The following KCNMB2 variants were observed in gnomAD, a reference collection of about 807,000 sequenced individuals.
The protein encoded by KCNMB2 is potassium calcium-activated channel subfamily M regulatory beta subunit 2.
A neutral mutation model predicts 24.5 loss-of-function variants in KCNMB2; 9 were observed. The ratio of observed to expected loss-of-function variants is 0.37; its 90% CI spans 0.22 to 0.64. The LOEUF (loss-of-function observed/expected upper bound fraction) is 0.64, where lower values mean the gene tolerates loss of function less well. KCNMB2 is among the 30% of genes least tolerant of loss of function. The pLI is 0.63. For missense variants in KCNMB2, 226 were observed against 284.3 expected (o/e 0.79, Z 1.47); for synonymous variants, 109 against 104.4 (o/e 1.04, Z -0.27).
chr3:178,745,932 C>G (rs1291487273), intron 1 of KCNMB2, among the ~76,000 whole-genome samples: 1 of 152,192 alleles, frequency 6.6e-6, no homozygotes, highest in East Asian at 1.9e-4. Flanking sequence ...CAGCCTCCCT[C>G]CCAGCTGCTT....
At chr3:178,620,459 C>T (rs1230444104) in intron 1 of KCNMB2, among the ~76,000 whole-genome samples, 2 of 152,164 alleles carry the variant, frequency 1.3e-5, no homozygotes, top group African/African-American at 4.8e-5. Flanking sequence ...TATTACAATT[C>T]TTGAGGCTGA....
chr3:178,758,675 T>C (rs373892483), intron 1 of KCNMB2, among the ~76,000 whole-genome samples: 1 of 17,482 alleles, frequency 5.7e-5, no homozygotes, highest in Non-Finnish European at 1.1e-4. Flanking sequence ...TCCAAGAGGA[T>C]ATATATATAT....
chr3:178,565,080 A>G (rs993637087), intron 1 of KCNMB2, among the ~76,000 whole-genome samples: 16 of 152,298 alleles, frequency 1.1e-4, no homozygotes, highest in Admixed American at 2.6e-4. Flanking sequence ...AGAAAAATTA[A>G]CTTTTTATTA....
chr3:178,745,877 T>G (rs2108382636), intron 1 of KCNMB2, among the ~76,000 whole-genome samples: 1 of 152,310 alleles, frequency 6.6e-6, no homozygotes, highest in South Asian at 2.1e-4. Flanking sequence ...AAGAGGTAGG[T>G]TCCCATGATC....
At chr3:178,776,479 C>A (rs1034059646) in intron 1 of KCNMB2, among the ~76,000 whole-genome samples, 1 of 152,180 alleles carries the variant, frequency 6.6e-6, no homozygotes, top group Non-Finnish European at 1.5e-5. Context: ...AGTAACATTT[C>A]AAATATGTAA....
At position 178,558,518 on chromosome 3, in the gene KCNMB2, GTATTT is replaced by G. The variant is rs1387410596; in HGVS notation, c.-68+21810_-68+21814del. Among the ~76,000 whole-genome samples the G allele has an allele frequency of 5.9e-5, 9 of 152,206 alleles. No homozygotes were observed. In the East Asian group the frequency reaches 1.7e-3, roughly 29 times the overall value. ...AATTAAGCCTCTCTCATTTCTGTCT[GTATTT>G]TAATTTTTGTCATCCCTCCACCAAC... On this transcript the variant is annotated intron_variant, in intron 1 of 4. Coordinates refer to ENST00000452583, the MANE Select transcript of KCNMB2 (RefSeq NM_181361.3).
rs1304991644 is a variant in KCNMB2 at position 178,844,249 on chromosome 3, T to A, written c.*1312T>A. ...ACCTTTTTGTAATGTAGTATCAAAG[T>A]TTTTTAGGTAATGCAAAATTTTACA... On this transcript the variant is annotated 3_prime_UTR_variant, in exon 5 of 5. Coordinates refer to ENST00000452583, the MANE Select transcript of KCNMB2 (RefSeq NM_181361.3). 3 of 152,478 alleles carry A rather than the reference T, an allele frequency of 2.0e-5. No individual in the cohort carries two copies. The highest frequency in any genetic ancestry group is 2.9e-5 in the Non-Finnish European group (2 of 67,946). 9.4% of individuals were successfully genotyped at this position (152,478 alleles called of 1,614,324 possible).
chr3:178,835,040 T>A (rs1715175679), intron 4 of KCNMB2, among the ~76,000 whole-genome samples: 1 of 151,798 alleles, frequency 6.6e-6, no homozygotes, highest in African/African-American at 2.4e-5. Context: ...GATTCCATGG[T>A]TTAAGCTCTC....
At chr3:178,583,787 C>T (rs1011685040) in intron 1 of KCNMB2, among the ~76,000 whole-genome samples, 2 of 152,130 alleles carry the variant, frequency 1.3e-5, no homozygotes, top group Admixed American at 1.3e-4. Context: ...CTCAGAAATG[C>T]TAAGGTCAGA....
At chr3:178,680,779 C>G (rs1234248017) in intron 1 of KCNMB2, among the ~76,000 whole-genome samples, 1 of 152,178 alleles carries the variant, frequency 6.6e-6, no homozygotes, top group Non-Finnish European at 1.5e-5. Context: ...TATCTTCTCT[C>G]AGCAAAATGT....
intron 1 of KCNMB2, among the ~76,000 whole-genome samples, chr3:178,778,536 A>AAAGCATGTCT: frequency 6.6e-6 from 1 of 151,460 alleles, no homozygotes; most frequent in Middle Eastern, 3.4e-3. Flanking sequence ...ATCATACAGT[A>AAAGCATGTCT]AAGCATGTCT....
At chr3:178,842,568 T>TCC in intron 4 of KCNMB2, 85 bp from the exon 5 acceptor site, 1 of 879,224 alleles carries the variant, frequency 1.1e-6, no homozygotes, top group Non-Finnish European at 1.8e-6. Flanking sequence ...CACAGATCAC[T>TCC]AATTTGGACA....
intron 1 of KCNMB2, among the ~76,000 whole-genome samples, chr3:178,759,786 A>C (rs1283584679): frequency 2.9e-4 from 12 of 41,424 alleles, no homozygotes; most frequent in African/African-American, 1.7e-3. Context: ...ATATATCTAT[A>C]TATATATATA....
At chr3:178,767,631 C>A (rs1411870699) in intron 1 of KCNMB2, among the ~76,000 whole-genome samples, 1 of 152,166 alleles carries the variant, frequency 6.6e-6, no homozygotes, top group African/African-American at 2.4e-5. Flanking sequence ...CAAAAGAATG[C>A]CAAAGGTAGA....
chr3:178,726,486 T>C (rs1722971153), intron 1 of KCNMB2, among the ~76,000 whole-genome samples: 1 of 152,074 alleles, frequency 6.6e-6, no homozygotes, highest in Non-Finnish European at 1.5e-5. Context: ...TTCTTTCAGT[T>C]TTCTTTGACT....
chr3:178,638,722 T>C (rs946359261), intron 1 of KCNMB2, among the ~76,000 whole-genome samples: 1 of 152,160 alleles, frequency 6.6e-6, no homozygotes, highest in Non-Finnish European at 1.5e-5. Context: ...ATGAAAGAAA[T>C]TACATTTTGA....
chr3:178,594,392 G>A (rs115938469), intron 1 of KCNMB2, among the ~76,000 whole-genome samples: 4,599 of 152,110 alleles, frequency 0.03, 242 homozygotes, highest in African/African-American at 0.11. Flanking sequence ...CAGTGAAGAT[G>A]GTGGGAAGTT....
rs988617270 is a variant in KCNMB2 at position 178,597,939 on chromosome 3, G to A, written c.-68+61228G>A. 2.0e-5 allele frequency among the ~76,000 whole-genome samples: 3 copies of A among 151,818 alleles called. No homozygotes were observed. In the East Asian group the frequency reaches 5.8e-4, roughly 29 times the overall value. On this transcript the variant is annotated intron_variant, in intron 1 of 4. Coordinates refer to ENST00000452583, the MANE Select transcript of KCNMB2 (RefSeq NM_181361.3). Reference sequence around the variant, plus strand: ...AGTTAAAAAATTGGGGTGGGAGGAAGAAATGGCTGGAAAAGTGAAACATGG... The same window carrying A: ...AGTTAAAAAATTGGGGTGGGAGGAAAAAATGGCTGGAAAAGTGAAACATGG...
Position 178,698,074 on chromosome 3 carries a change from G to A in KCNMB2, c.-67-109269G>A, listed in dbSNP as rs568962549. Among the ~76,000 whole-genome samples, 183 of 152,242 alleles carry A rather than the reference G, an allele frequency of 1.2e-3. 4 individuals carry two copies. The highest frequency in any genetic ancestry group is 4.3e-3 in the African/African-American group (179 of 41,550). ...AGATGTTGGAGAATCATGATTATGT[G>A]TGTTGGGGATGATCTTGTGAAGTAG... On this transcript the variant is annotated intron_variant, in intron 1 of 4. Coordinates refer to ENST00000452583, the MANE Select transcript of KCNMB2 (RefSeq NM_181361.3).
Sources: allele counts gnomAD v4.1 joint callset (sites outside exome capture counted in the v4.1 genomes callset), GRCh38; gene constraint gnomAD v4.1.1; transcripts MANE v1.5; gene names NCBI Gene and HGNC (gene_info 2026-07-23, HGNC 2026-07-21).